Variants in ATP8A2 observed in about 807,000 individuals in gnomAD.
ATP8A2 encodes the protein phospholipid-transporting ATPase IB.
In ATP8A2, 100 loss-of-function variants were observed where a neutral mutation model predicts 165.6. The ratio of observed to expected loss-of-function variants is 0.60; its 90% confidence interval spans 0.51 to 0.71. The LOEUF (loss-of-function observed/expected upper bound fraction) is 0.71, where lower values mean the gene tolerates loss of function less well. ATP8A2 is among the 30% of genes least tolerant of loss of function. The pLI, the probability that ATP8A2 is intolerant of heterozygous loss-of-function variation, is 0.00. For missense variants in ATP8A2, 1,227 were observed against 1,479.5 expected, an observed-to-expected ratio of 0.83 and a Z score of 2.80; for synonymous variants, 543 against 548.8, an observed-to-expected ratio of 0.99 and a Z score of 0.15.
At chr13:25,505,428 A>G (rs2037005087) in intron 2 of ATP8A2, among the ~76,000 whole-genome samples, 1 of 152,226 alleles carries the variant, frequency 6.6e-6, no homozygotes, top group Non-Finnish European at 1.5e-5. Context: ...TAGTAAAATC[A>G]TTTTGTGTTT....
At chr13:25,418,239 A>G (rs1420542825) in intron 1 of ATP8A2, among the ~76,000 whole-genome samples, 1 of 152,190 alleles carries the variant, frequency 6.6e-6, no homozygotes, top group Non-Finnish European at 1.5e-5. Flanking sequence ...CTGTCCCGTA[A>G]TAATGCCCTT....
intron 24 of ATP8A2, among the ~76,000 whole-genome samples, chr13:25,621,784 C>T (rs1173336530): frequency 6.6e-6 from 1 of 152,118 alleles, no homozygotes; most frequent in Non-Finnish European, 1.5e-5. Flanking sequence ...CCTAATTTAC[C>T]TGAAAATGGG....
In ATP8A2 at chr13:25,932,845, A is replaced by G. The variant is rs551975136; in HGVS notation, c.3184-28730A>G. 2.6e-5 allele frequency among the ~76,000 whole-genome samples: 4 copies of G among 152,006 alleles called. No individual in the cohort carries two copies. The South Asian group carries it at 6.2e-4, about 24-fold the overall frequency. ...ACCAGTGCATTGTTGTGAGCTGTGC[A>G]TGAACTTTTCTTTTTTTTTGAGACG... On this transcript the variant is annotated intron_variant, in intron 33 of 36. Transcript: ENST00000381655.
chr13:25,578,593 T>C (rs971479733), intron 20 of ATP8A2, among the ~76,000 whole-genome samples: 1 of 152,254 alleles, frequency 6.6e-6, no homozygotes, highest in African/African-American at 2.4e-5. Context: ...CAGCATATTT[T>C]TGTTTGGCTT....
intron 1 of ATP8A2, among the ~76,000 whole-genome samples, chr13:25,400,439 A>G (rs1306455858): frequency 1.3e-5 from 2 of 152,178 alleles, no homozygotes; most frequent in Non-Finnish European, 2.9e-5. Flanking sequence ...TGTTACCTGC[A>G]TAGAATGTGT....
intron 27 of ATP8A2, among the ~76,000 whole-genome samples, chr13:25,822,373 C>G (rs535272102): frequency 1.3e-5 from 2 of 152,136 alleles, no homozygotes; most frequent in East Asian, 3.8e-4. Flanking sequence ...CTTGTTCAAA[C>G]GAAAACTAAA....
intron 33 of ATP8A2, among the ~76,000 whole-genome samples, chr13:25,931,982 A>G (rs906980138): frequency 3.3e-5 from 5 of 151,002 alleles, no homozygotes; most frequent in South Asian, 2.1e-4. Flanking sequence ...AGGGAGGTGT[A>G]GGTTGCAGCA....
intron 27 of ATP8A2, among the ~76,000 whole-genome samples, chr13:25,781,218 G>A (rs530658020): frequency 4.6e-5 from 7 of 152,202 alleles, no homozygotes; most frequent in South Asian, 2.1e-4. Context: ...AGCGGAAGCC[G>A]AGATCGTGCC....
At chr13:25,912,434 T>A (rs1284498788) in intron 33 of ATP8A2, among the ~76,000 whole-genome samples, 1 of 152,054 alleles carries the variant, frequency 6.6e-6, no homozygotes, top group African/African-American at 2.4e-5. Context: ...AGAGCCTCAG[T>A]GAGACAGGAG....
intron 1 of ATP8A2, among the ~76,000 whole-genome samples, chr13:25,420,825 A>C (rs9511792): frequency 0.44 from 66,705 of 152,060 alleles, 15,542 homozygotes; most frequent in East Asian, 0.59. Context: ...CAAGAAGCTC[A>C]GTTTCATTTG....
intron 33 of ATP8A2, among the ~76,000 whole-genome samples, chr13:25,943,762 G>A (rs1593600946): frequency 1.3e-5 from 2 of 152,162 alleles, no homozygotes; most frequent in African/African-American, 2.4e-5. Flanking sequence ...GTGAGGAACC[G>A]TGAAATCCAA....
chr13:26,010,207 C>A (rs1450923902), intron 35 of ATP8A2, among the ~76,000 whole-genome samples: 7 of 152,244 alleles, frequency 4.6e-5, no homozygotes, highest in Admixed American at 3.9e-4. Context: ...TTATTTGACA[C>A]AGCTGAGTCT....
chr13:25,937,362 C>CTTTCTTTCTTTTTTT lies in ATP8A2; in HGVS notation c.3184-24210_3184-24209insCTTTCTTTTTTTTTT. The stretch of plus-strand genomic sequence containing the variant: ...TGCTTTGTCTTTCTATTCTTTCTTT[C>CTTTCTTTCTTTTTTT]TTTTTTTTTTTTTTTTTGAACAGCC... On this transcript the variant is annotated intron_variant, in intron 33 of 36. Coordinates refer to ENST00000381655, the MANE Select transcript of ATP8A2 (RefSeq NM_016529.6). Among the ~76,000 whole-genome samples, 25 of 38,808 alleles carry CTTTCTTTCTTTTTTT rather than the reference C, an allele frequency of 6.4e-4. 2 individuals carry two copies. The highest frequency in any genetic ancestry group is 2.3e-3 in the Admixed American group (5 of 2,180). The allele number at this position is 38,808 out of a possible 152,430, so 25.5% of individuals were successfully genotyped here.
In ATP8A2 at chr13:25,435,918, T is replaced by TGTGTGTGTGAGTGA. The variant is rs1566131230; in HGVS notation, c.77-33050_77-33049insAGTGAGTGTGTGTG. 6.3e-3 allele frequency among the ~76,000 whole-genome samples: 796 copies of TGTGTGTGTGAGTGA among 126,852 alleles called. 11 individuals carry two copies. Among genetic ancestry groups the TGTGTGTGTGAGTGA allele is most frequent in the African/African-American group, 0.024 (769 of 31,486 alleles). The allele number at this position is 126,852 out of a possible 152,430, so 83.2% of individuals were successfully genotyped here. ...CGCAGTTAAGAAAAAGCATCGTGTG[T>TGTGTGTGTGAGTGA]GTGTGTGTGTGTGAGTGTGTGTGTG... On this transcript the variant is annotated intron_variant, in intron 1 of 36. Coordinates refer to ENST00000381655, the MANE Select transcript of ATP8A2 (RefSeq NM_016529.6).
chr13:25,916,552 C>T (rs1954272160), intron 33 of ATP8A2, among the ~76,000 whole-genome samples: 1 of 152,216 alleles, frequency 6.6e-6, no homozygotes, highest in Non-Finnish European at 1.5e-5. Context: ...TTGCACTGAT[C>T]AGACATAAAG....
chr13:25,604,099 T>C (rs999281693), intron 24 of ATP8A2, among the ~76,000 whole-genome samples: 3 of 151,308 alleles, frequency 2.0e-5, no homozygotes, highest in South Asian at 4.2e-4. Context: ...GCAAAGGAGA[T>C]CAAGAAAATA....
At chr13:25,574,287 A>G (rs977061865) in intron 18 of ATP8A2, among the ~76,000 whole-genome samples, 1 of 152,238 alleles carries the variant, frequency 6.6e-6, no homozygotes, top group African/African-American at 2.4e-5. Context: ...TTGAATTCCA[A>G]AAGATTTTTC....
At chr13:25,540,799 A>T (rs2038450016) in intron 8 of ATP8A2, among the ~76,000 whole-genome samples, 1 of 152,030 alleles carries the variant, frequency 6.6e-6, no homozygotes, top group Admixed American at 6.6e-5. Flanking sequence ...AAAAACTTCC[A>T]TGCCTTAAAG....
At chr13:25,868,667 G>A (rs569404126) in intron 33 of ATP8A2, among the ~76,000 whole-genome samples, 67 of 152,216 alleles carry the variant, frequency 4.4e-4, no homozygotes, top group South Asian at 3.3e-3. Context: ...AGACAGTACC[G>A]ACTTCCTGGC....
Sources: gnomAD v4.1 joint callset for allele counts (sites outside exome capture counted in the v4.1 genomes callset) on GRCh38, gnomAD v4.1.1 for gene constraint, MANE v1.5 for transcripts, NCBI Gene and HGNC (gene_info 2026-07-23, HGNC 2026-07-21) for gene names.